Variants in TAOK1 observed in about 807,000 individuals in gnomAD.
TAOK1 encodes the protein serine/threonine-protein kinase TAO1.
Under a neutral mutation model 138.3 loss-of-function variants are expected in TAOK1, and 21 were observed. The ratio of observed to expected loss-of-function variants is 0.15; its 90% confidence interval spans 0.11 to 0.22. The LOEUF (loss-of-function observed/expected upper bound fraction) is 0.22. TAOK1 is among the 10% of genes least tolerant of loss of function. TAOK1 has a pLI of 1.00. For missense variants in TAOK1, 651 were observed against 1,227.7 expected (o/e 0.53, Z 7.02); for synonymous variants, 361 against 398.4 (o/e 0.91, Z 1.12).
intron 17 of TAOK1, among the ~76,000 whole-genome samples, chr17:29,529,330 C>G (rs1347585247): frequency 6.6e-6 from 1 of 152,110 alleles, no homozygotes; most frequent in African/African-American, 2.4e-5. Flanking sequence ...TGGCTCATGC[C>G]TATAATTACT....
intron 1 of TAOK1, among the ~76,000 whole-genome samples, chr17:29,446,476 C>T (rs1199996340): frequency 6.6e-6 from 1 of 152,082 alleles, no homozygotes; most frequent in Non-Finnish European, 1.5e-5. Context: ...CTCCTGACCT[C>T]GTGATCCGCC....
In TAOK1 at chr17:29,498,325, A is replaced by T. The variant is rs767883527; in HGVS notation, c.1007A>T (p.Asp336Val). The change falls in exon 12 of 20, where the codon GAT becomes GTT. Residue 336 changes from aspartate to valine, a missense_variant. By Grantham distance (152) the Asp-to-Val change is radical. Around this residue, in one of 8 missense-constraint regions of TAOK1, gnomAD observed 104 missense variants for 151.7 expected, o/e 0.69. Transcript: ENST00000261716. Reference sequence around the variant, plus strand: ...AATGTCCTTTTCTCTTAGGAACAAGATCATGGTGTTGGCCGGACAGGAACA... The same window carrying T: ...AATGTCCTTTTCTCTTAGGAACAAGTTCATGGTGTTGGCCGGACAGGAACA... Reference protein sequence around the residue: ...VEAQEEEEEQDHGVGRTGTVN... With the variant: ...VEAQEEEEEQVHGVGRTGTVN... 8.1e-6 allele frequency: 13 copies of T among 1,614,164 alleles called. No individual in the cohort carries two copies. Among genetic ancestry groups the T allele is most frequent in the Non-Finnish European group, 1.1e-5 (13 of 1,180,002 alleles).
intron 17 of TAOK1, among the ~76,000 whole-genome samples, chr17:29,526,511 C>T (rs2032011452): frequency 6.6e-6 from 1 of 151,956 alleles, no homozygotes; most frequent in South Asian, 2.1e-4. Context: ...TGCCTGCCAG[C>T]TTCAAGTGAT....
chr17:29,417,088 A>G (rs1412979261), intron 1 of TAOK1, among the ~76,000 whole-genome samples: 1 of 152,000 alleles, frequency 6.6e-6, no homozygotes, highest in African/African-American at 2.4e-5. Context: ...TTCTCGGCTC[A>G]CTGCAACCTC....
At chr17:29,501,056 GTACAACA>G (rs2031514037) in intron 12 of TAOK1, among the ~76,000 whole-genome samples, 2 of 151,714 alleles carry the variant, frequency 1.3e-5, no homozygotes, top group African/African-American at 4.8e-5. Flanking sequence ...GGTGATAGCT[GTACAACA>G]TTGAGAGTAT....
intron 1 of TAOK1, among the ~76,000 whole-genome samples, chr17:29,412,082 AC>A (rs200727852): frequency 0.027 from 4,102 of 149,504 alleles, 161 homozygotes; most frequent in African/African-American, 0.096. Flanking sequence ...TCACTCTGTC[AC>A]CCAGGCTGGA....
intron 1 of TAOK1, among the ~76,000 whole-genome samples, chr17:29,422,265 GCA>G: frequency 6.7e-6 from 1 of 150,338 alleles, no homozygotes; most frequent in Non-Finnish European, 1.5e-5. Context: ...GTGCAGTGGC[GCA>G]GTCTCGGCTC....
At chr17:29,462,526 G>C (rs558625574) in intron 2 of TAOK1, among the ~76,000 whole-genome samples, 16 of 152,232 alleles carry the variant, frequency 1.1e-4, no homozygotes, top group African/African-American at 3.9e-4. Context: ...TAACAAAGTG[G>C]GGTTTTGTTC....
intron 1 of TAOK1, among the ~76,000 whole-genome samples, chr17:29,416,867 A>G (rs1905276403): frequency 6.6e-6 from 1 of 152,164 alleles, no homozygotes; most frequent in South Asian, 2.1e-4. Context: ...AATATTTGTT[A>G]AATGCAATTA....
chr17:29,391,663 G>A (rs987581727), intron 1 of TAOK1, among the ~76,000 whole-genome samples: 4 of 152,168 alleles, frequency 2.6e-5, no homozygotes, highest in African/African-American at 9.7e-5. Flanking sequence ...GTTTTAAATC[G>A]ACGACAGTAT....
At chr17:29,449,833 T>A (rs977502122) in intron 1 of TAOK1, among the ~76,000 whole-genome samples, 1 of 152,070 alleles carries the variant, frequency 6.6e-6, no homozygotes, top group Non-Finnish European at 1.5e-5. Context: ...AGAGTGAGAC[T>A]CTGTCTCAAA....
chr17:29,467,550 G>A (rs1010473058), intron 3 of TAOK1, among the ~76,000 whole-genome samples: 2 of 152,170 alleles, frequency 1.3e-5, no homozygotes, highest in African/African-American at 4.8e-5. Context: ...GGGATTACAG[G>A]CGTGAGCCAC....
chr17:29,502,880 A>G (rs576459110), intron 13 of TAOK1, among the ~76,000 whole-genome samples, 157 bp downstream of exon 13: 62 of 152,326 alleles, frequency 4.1e-4, no homozygotes, highest in African/African-American at 1.4e-3. Flanking sequence ...ATGTTATTCA[A>G]AGAACTCTGA....
Position 29,456,541 on chromosome 17 carries a change from C to CA in TAOK1, c.132+4864dup, listed in dbSNP as rs1229922895. Among the ~76,000 whole-genome samples, 21 of 150,182 alleles carry CA rather than the reference C, an allele frequency of 1.4e-4. 1 individual carries two copies. The highest frequency in any genetic ancestry group is 1.4e-3 in the Admixed American group (21 of 15,210). On this transcript the variant is annotated intron_variant, in intron 2 of 19. Coordinates refer to ENST00000261716, the MANE Select transcript of TAOK1 (RefSeq NM_020791.4). ...TTTGTCTATTACAGGTTGAGCATCC[C>CA]AAATCTGAAAATCCAATGCTTGTTG...
chr17:29,424,780 A>G (rs1905581565), intron 1 of TAOK1: 1 of 152,110 alleles, frequency 6.6e-6, no homozygotes, highest in African/African-American at 2.4e-5. Flanking sequence ...GGAATGTTTC[A>G]TGAATTTGTA....
At chr17:29,418,373 T>C (rs1905320970) in intron 1 of TAOK1, among the ~76,000 whole-genome samples, 1 of 152,130 alleles carries the variant, frequency 6.6e-6, no homozygotes, top group South Asian at 2.1e-4. Context: ...TTTTATTTTT[T>C]ATTTTTATTT....
chr17:29,421,931 T>C (rs539275540), intron 1 of TAOK1, among the ~76,000 whole-genome samples: 2 of 151,884 alleles, frequency 1.3e-5, no homozygotes, highest in East Asian at 3.9e-4. Context: ...TGAGTCTTGC[T>C]GTGTCACCCA....
chr17:29,446,674 G>A (rs911894821), intron 1 of TAOK1, among the ~76,000 whole-genome samples: 1 of 151,780 alleles, frequency 6.6e-6, no homozygotes, highest in Non-Finnish European at 1.5e-5. Context: ...GATGTTTTCA[G>A]TCAACAGTGG....
chr17:29,406,944 A>T (rs1905008356), intron 1 of TAOK1, among the ~76,000 whole-genome samples: 1 of 152,114 alleles, frequency 6.6e-6, no homozygotes, highest in Admixed American at 6.6e-5. Context: ...AGCCTGTTGA[A>T]TTTTTACAGA....
Sources: gnomAD v4.1 joint callset for allele counts (sites outside exome capture counted in the v4.1 genomes callset) on GRCh38, gnomAD v4.1.1 for gene constraint, gnomAD v4.1.1 regional missense constraint, MANE v1.5 for transcripts, NCBI Gene and HGNC (gene_info 2026-07-23, HGNC 2026-07-21) for gene names.